CRADD: variants seen among roughly 807,000 people sequenced by gnomAD.
CRADD encodes the protein CARD and death domain containing adaptor protein, also known as death domain-containing protein CRADD.
In CRADD, 9 loss-of-function variants were observed where a neutral mutation model predicts 15.5. The ratio of observed to expected loss-of-function variants is 0.58; its 90% CI spans 0.35 to 1.01. CRADD has a LOEUF of 1.01. Ranked by LOEUF, CRADD falls within the 50% of genes least tolerant of loss-of-function variation. The pLI is 0.02. For missense variants in CRADD, 227 were observed against 250.3 expected (o/e 0.91, Z 0.63); for synonymous variants, 118 against 107.6 (o/e 1.10, Z -0.60).
intron 2 of CRADD, among the ~76,000 whole-genome samples, chr12:93,827,875 C>T (rs1434639412): frequency 6.6e-6 from 1 of 152,170 alleles, no homozygotes; most frequent in African/African-American, 2.4e-5. Context: ...AACAGCAACT[C>T]CTCATTTCCC....
At chr12:93,758,318 T>A (rs1342464825) in intron 2 of CRADD, among the ~76,000 whole-genome samples, 1 of 152,210 alleles carries the variant, frequency 6.6e-6, no homozygotes, top group Non-Finnish European at 1.5e-5. Context: ...ATTCTTACTA[T>A]GTTGTTTATC....
intron 2 of CRADD, among the ~76,000 whole-genome samples, chr12:93,700,558 G>T (rs955335433): frequency 1.2e-4 from 19 of 152,048 alleles, no homozygotes; most frequent in African/African-American, 4.6e-4. Context: ...AGCCTCCCGA[G>T]TAGCTGGAAC....
At chr12:93,739,875 A>G (rs930059999) in intron 2 of CRADD, among the ~76,000 whole-genome samples, 1 of 152,166 alleles carries the variant, frequency 6.6e-6, no homozygotes. Context: ...CTTTTGATTT[A>G]TTGTAAATAT....
intron 2 of CRADD, among the ~76,000 whole-genome samples, chr12:93,779,334 G>A (rs937107089): frequency 1.3e-5 from 2 of 152,090 alleles, no homozygotes; most frequent in South Asian, 2.1e-4. Flanking sequence ...AACCTTGGGC[G>A]GGAGTAACCA....
chr12:93,748,038 A>G (rs1956782655), intron 2 of CRADD, among the ~76,000 whole-genome samples: 1 of 152,216 alleles, frequency 6.6e-6, no homozygotes, highest in Non-Finnish European at 1.5e-5. Context: ...TATATATCAT[A>G]TGGTAAGTAT....
At chr12:93,865,817 T>G (rs1384140509) in intron 2 of CRADD, among the ~76,000 whole-genome samples, 1 of 97,484 alleles carries the variant, frequency 1.0e-5, no homozygotes, top group Non-Finnish European at 2.3e-5. Context: ...GTTATTGTTG[T>G]ATTGTTATTT....
intron 2 of CRADD, among the ~76,000 whole-genome samples, chr12:93,822,448 A>C (rs1360337246): frequency 6.6e-6 from 1 of 152,194 alleles, no homozygotes; most frequent in Non-Finnish European, 1.5e-5. Flanking sequence ...TTTGTACCAC[A>C]GTGAATTGTT....
At chr12:93,863,636 G>GTGTA (rs1344241451) in intron 2 of CRADD, among the ~76,000 whole-genome samples, 37 of 149,072 alleles carry the variant, frequency 2.5e-4, no homozygotes, top group Middle Eastern at 3.5e-3. Flanking sequence ...GTGTGTGTGT[G>GTGTA]TGTGTGTGAA....
chr12:93,871,599 A>G (rs1027559064), intron 2 of CRADD, among the ~76,000 whole-genome samples: 3 of 151,618 alleles, frequency 2.0e-5, no homozygotes, highest in Non-Finnish European at 2.9e-5. Flanking sequence ...CCATCCTTCT[A>G]CTCTCTATGT....
At chr12:93,756,121 C>A (rs189332491) in intron 2 of CRADD, among the ~76,000 whole-genome samples, 1 of 152,292 alleles carries the variant, frequency 6.6e-6, no homozygotes, top group Admixed American at 6.5e-5. Context: ...TAAAAAAGCA[C>A]TAATAATTAT....
chr12:93,874,183 T>A (rs2137068395), intron 2 of CRADD, among the ~76,000 whole-genome samples: 1 of 152,054 alleles, frequency 6.6e-6, no homozygotes, highest in East Asian at 1.9e-4. Flanking sequence ...TAGGTTGTAT[T>A]TTTCTAGGAA....
At chr12:93,835,994 C>T (rs1329501837) in intron 2 of CRADD, among the ~76,000 whole-genome samples, 1 of 152,158 alleles carries the variant, frequency 6.6e-6, no homozygotes, top group Non-Finnish European at 1.5e-5. Flanking sequence ...AGCAAAAGAG[C>T]AGGGCAGGAA....
intron 2 of CRADD, among the ~76,000 whole-genome samples, chr12:93,865,778 A>T (rs1044723084): frequency 6.6e-6 from 1 of 152,010 alleles, no homozygotes; most frequent in African/African-American, 2.4e-5. Flanking sequence ...AACAGTTGTT[A>T]TACTGTCTTG....
intron 2 of CRADD, among the ~76,000 whole-genome samples, chr12:93,857,880 T>C (rs1593048774): frequency 6.6e-6 from 1 of 152,244 alleles, no homozygotes; most frequent in African/African-American, 2.4e-5. Flanking sequence ...GGCTAGCACA[T>C]TGGAGATAGT....
intron 2 of CRADD, among the ~76,000 whole-genome samples, chr12:93,688,397 G>A (rs1223190548): frequency 6.6e-6 from 1 of 151,890 alleles, no homozygotes; most frequent in African/African-American, 2.4e-5. Context: ...CAGCTTCTTG[G>A]GTGGCTGAGG....
intron 2 of CRADD, among the ~76,000 whole-genome samples, chr12:93,723,488 A>G (rs1383934412): frequency 1.3e-5 from 2 of 152,162 alleles, no homozygotes. Flanking sequence ...TCGACTCCCT[A>G]TGATTTCAAC....
In CRADD at chr12:93,682,220, T is replaced by C. The variant is rs546745166; in HGVS notation, c.298+3148T>C. On this transcript the variant is annotated intron_variant, in intron 2 of 2. Transcript: ENST00000332896. ...CCTCGGTGCTTCTCCAGTGTTGTAATTGAGTAATTTTAGTAAGATTTAAAA... is the reference window on the plus strand; with the variant it reads ...CCTCGGTGCTTCTCCAGTGTTGTAACTGAGTAATTTTAGTAAGATTTAAAA... 4.6e-5 allele frequency among the ~76,000 whole-genome samples: 7 copies of C among 152,296 alleles called. No homozygotes were observed. The East Asian group carries it at 5.8e-4, about 13-fold the overall frequency.
intron 2 of CRADD, among the ~76,000 whole-genome samples, chr12:93,783,196 G>A (rs1168064304): frequency 6.7e-6 from 1 of 150,114 alleles, no homozygotes; most frequent in East Asian, 1.9e-4. Flanking sequence ...GGACTGTCCT[G>A]GTACCATCAG....
At chr12:93,790,918 C>A (rs1957341705) in intron 2 of CRADD, among the ~76,000 whole-genome samples, 1 of 151,548 alleles carries the variant, frequency 6.6e-6, no homozygotes, top group African/African-American at 2.4e-5. Flanking sequence ...ACATGACACA[C>A]ACACACACAC....
Sources: gnomAD v4.1 joint callset for allele counts (sites outside exome capture counted in the v4.1 genomes callset) on GRCh38, gnomAD v4.1.1 for gene constraint, MANE v1.5 for transcripts, NCBI Gene and HGNC (gene_info 2026-07-23, HGNC 2026-07-21) for gene names.